Variants in PPARGC1A observed in about 807,000 individuals in gnomAD.
PPARGC1A encodes PPARG coactivator 1 alpha.
PPARGC1A carries 25 observed loss-of-function variants against 88.7 expected under a neutral mutation model. The observed-to-expected ratio is 0.28, with a 90% confidence interval of 0.21 to 0.39. The LOEUF (loss-of-function observed/expected upper bound fraction) is 0.39, where lower values mean the gene tolerates loss of function less well. Among genes scored for constraint, PPARGC1A ranks in the 10% least tolerant of loss-of-function variants. PPARGC1A has a pLI of 1.00. For synonymous variants in PPARGC1A, 363 were observed against 355.6 expected, an observed-to-expected ratio of 1.02 and a Z score of -0.24; for missense variants, 880 against 968.7, an observed-to-expected ratio of 0.91 and a Z score of 1.22.
the PPARGC1A span, among the ~76,000 whole-genome samples, chr4:23,973,983 A>G: frequency 6.6e-6 from 1 of 151,872 alleles, no homozygotes; most frequent in African/African-American, 2.4e-5. Flanking sequence ...AAAAATAAAT[A>G]AATGAATAAA....
chr4:24,437,622 T>A, the PPARGC1A span, among the ~76,000 whole-genome samples: 1 of 151,590 alleles, frequency 6.6e-6, no homozygotes, highest in South Asian at 2.2e-4. Context: ...GTTGTTGTTG[T>A]TGTTGTTGTT....
chr4:24,301,935 G>T, the PPARGC1A span, among the ~76,000 whole-genome samples: 323 of 152,158 alleles, frequency 2.1e-3, 2 homozygotes, highest in African/African-American at 7.6e-3. Flanking sequence ...TTCTAAAATC[G>T]CCCTGTCAGG....
the PPARGC1A span, among the ~76,000 whole-genome samples, chr4:23,983,385 T>G: frequency 6.6e-6 from 1 of 152,216 alleles, no homozygotes; most frequent in Admixed American, 6.5e-5. Context: ...TGCTTACATA[T>G]TAAAATCAGA....
chr4:24,135,054 C>T, the PPARGC1A span, among the ~76,000 whole-genome samples: 1 of 152,190 alleles, frequency 6.6e-6, no homozygotes, highest in African/African-American at 2.4e-5. Flanking sequence ...TACCATGTGT[C>T]ACTCCAGAGC....
At position 23,814,437 on chromosome 4, in the gene PPARGC1A, G is replaced by A. The variant is rs367775864; in HGVS notation, c.1046C>T (p.Pro349Leu). The change falls in exon 8 of 13, where the codon CCG (proline) becomes CTG (leucine). Residue 349 changes from proline to leucine, a missense_variant. Pro to Leu is a moderately conservative substitution (Grantham distance 98). Coordinates refer to ENST00000264867, the MANE Select transcript of PPARGC1A (RefSeq NM_013261.5). The stretch of plus-strand genomic sequence containing the variant: ...TTGTGCATACAACTCGGATTGCTCC[G>A]GCCCTTTCTTGGTGGAGTTATTGCC... ...TQGNNSTKKG[P>L]EQSELYAQLS... 118 of 1,613,492 alleles carry A rather than the reference G, an allele frequency of 7.3e-5. No homozygotes were observed. Among genetic ancestry groups the A allele is most frequent in the African/African-American group, 6.0e-4 (45 of 74,764 alleles).
the PPARGC1A span, among the ~76,000 whole-genome samples, chr4:23,996,864 T>A: frequency 1.6e-4 from 25 of 152,272 alleles, 2 homozygotes; most frequent in East Asian, 4.8e-3. Flanking sequence ...GATTTGACAA[T>A]GAGTGCTAGT....
At chr4:24,219,890 T>G in the PPARGC1A span, among the ~76,000 whole-genome samples, 2 of 152,086 alleles carry the variant, frequency 1.3e-5, no homozygotes, top group South Asian at 4.2e-4. Context: ...AGTCACAGAG[T>G]CCCATCAGTA....
the PPARGC1A span, among the ~76,000 whole-genome samples, chr4:24,190,384 G>A: frequency 1.4e-4 from 21 of 152,086 alleles, no homozygotes; most frequent in Middle Eastern, 0.01. Flanking sequence ...GCATGGTGGC[G>A]GGTGCCTGTA....
At chr4:23,938,076 A>G in the PPARGC1A span, among the ~76,000 whole-genome samples, 105 of 152,184 alleles carry the variant, frequency 6.9e-4, no homozygotes, top group Middle Eastern at 3.4e-3. Context: ...AATGGGTCCT[A>G]TGAGATCCAG....
the PPARGC1A span, among the ~76,000 whole-genome samples, chr4:24,131,322 T>C: frequency 4.6e-5 from 7 of 152,204 alleles, no homozygotes; most frequent in African/African-American, 1.7e-4. Flanking sequence ...CTGACTTCAC[T>C]AATTCTATCA....
chr4:24,206,557 C>T, the PPARGC1A span, among the ~76,000 whole-genome samples: 2 of 152,148 alleles, frequency 1.3e-5, no homozygotes, highest in Admixed American at 1.3e-4. Context: ...GGCCAGGGGG[C>T]ATGGTGGCTC....
At chr4:24,244,375 A>T in the PPARGC1A span, among the ~76,000 whole-genome samples, 2 of 152,230 alleles carry the variant, frequency 1.3e-5, no homozygotes, top group Non-Finnish European at 2.9e-5. Context: ...ATCATGTGAC[A>T]TATCCTTTGG....
chr4:23,831,407 A>C, intron 3 of PPARGC1A, 150 bp downstream of exon 3: 2 of 625,084 alleles, frequency 3.2e-6, no homozygotes, highest in East Asian at 5.4e-5. Context: ...ACAGAGAATC[A>C]CACAATTTGC....
At chr4:23,923,254 C>T in the PPARGC1A span, among the ~76,000 whole-genome samples, 1 of 151,824 alleles carries the variant, frequency 6.6e-6, no homozygotes, top group African/African-American at 2.4e-5. Context: ...AGGTATGGAA[C>T]TGTGTTGAGG....
chr4:24,294,079 T>C, the PPARGC1A span, among the ~76,000 whole-genome samples: 2 of 152,158 alleles, frequency 1.3e-5, no homozygotes, highest in African/African-American at 2.4e-5. Context: ...AACACACAGC[T>C]ACTGAAGTAG....
At chr4:24,283,103 T>A in the PPARGC1A span, among the ~76,000 whole-genome samples, 1 of 152,138 alleles carries the variant, frequency 6.6e-6, no homozygotes, top group Non-Finnish European at 1.5e-5. Context: ...TATGACTGAT[T>A]CCTCTACAAG....
At chr4:24,420,590 T>C in the PPARGC1A span, among the ~76,000 whole-genome samples, 5 of 152,182 alleles carry the variant, frequency 3.3e-5, no homozygotes, top group Non-Finnish European at 5.9e-5. Flanking sequence ...TCTTAATTTC[T>C]GATCCATACC....
chr4:23,874,611 C>T (rs1173713120), intron 2 of PPARGC1A, among the ~76,000 whole-genome samples: 1 of 152,036 alleles, frequency 6.6e-6, no homozygotes, highest in East Asian at 1.9e-4. Flanking sequence ...CAGGCACACA[C>T]TCTCACTACG....
chr4:23,982,545 G>A, the PPARGC1A span, among the ~76,000 whole-genome samples: 9 of 152,102 alleles, frequency 5.9e-5, no homozygotes, highest in African/African-American at 2.2e-4. Context: ...GGTCTATAGT[G>A]GGCAGTGTGA....
Sources: gnomAD v4.1 joint callset for allele counts (sites outside exome capture counted in the v4.1 genomes callset) on GRCh38, gnomAD v4.1.1 for gene constraint, MANE v1.5 for transcripts, NCBI Gene and HGNC (gene_info 2026-07-23, HGNC 2026-07-21) for gene names.